The following HDAC9 variants were observed in gnomAD, a reference collection of about 807,000 sequenced individuals.
The protein encoded by HDAC9 is MEF-2 interacting transcription repressor (MITR) protein.
In HDAC9, 41 loss-of-function variants were observed where a neutral mutation model predicts 139.4. The observed-to-expected ratio is 0.29, with a 90% CI of 0.23 to 0.38. HDAC9 has a LOEUF of 0.38. Ranked by LOEUF, HDAC9 falls within the 10% of genes least tolerant of loss-of-function variation. The probability of loss-of-function intolerance (pLI) is 1.00; values close to 1 mark genes in which losing one functional copy is unlikely to be tolerated. For synonymous variants in HDAC9, 517 were observed against 476.2 expected, an observed-to-expected ratio of 1.09 and a Z score of -1.12; for missense variants, 1,147 against 1,297.0, an observed-to-expected ratio of 0.88 and a Z score of 1.78.
At position 18,462,183 on chromosome 7, in the gene HDAC9, T is replaced by C. The variant is rs555022510; in HGVS notation, c.-41-34079T>C. On this transcript the variant is annotated intron_variant, in intron 1 of 3. Transcript: ENST00000413509. The stretch of plus-strand genomic sequence containing the variant: ...TTTTAACCTTCAAATAATGATGTTA[T>C]AAGCAATTCCATCTTCACAGTCACC... 1.6e-4 allele frequency among the ~76,000 whole-genome samples: 24 copies of C among 152,212 alleles called. 1 individual carries two copies. Among genetic ancestry groups the C allele is most frequent in the African/African-American group, 4.8e-4 (20 of 41,576 alleles).
chr7:18,881,750 C>T (rs915149170), intron 22 of HDAC9, among the ~76,000 whole-genome samples: 5 of 152,086 alleles, frequency 3.3e-5, no homozygotes, highest in African/African-American at 7.2e-5. Context: ...CTATTCAGAA[C>T]GTAGTAGCTC....
chr7:18,452,336 C>A (rs111762377), intron 1 of HDAC9, among the ~76,000 whole-genome samples: 1,544 of 152,092 alleles, frequency 0.01, 27 homozygotes, highest in African/African-American at 0.035. Flanking sequence ...AGAACACATA[C>A]GCGTATGACA....
intron 17 of HDAC9, among the ~76,000 whole-genome samples, chr7:18,810,139 A>G (rs1794060148): frequency 1.3e-5 from 2 of 151,930 alleles, no homozygotes; most frequent in East Asian, 1.9e-4. Flanking sequence ...GTTCTAAAAT[A>G]GTTGAGCTCA....
At chr7:18,131,662 A>G (rs1718774428) in intron 1 of HDAC9, among the ~76,000 whole-genome samples, 1 of 152,108 alleles carries the variant, frequency 6.6e-6, no homozygotes, top group Non-Finnish European at 1.5e-5. Context: ...GGTCATTGTC[A>G]CTACTCCCTT....
At chr7:18,574,215 C>T (rs1359997019) in intron 2 of HDAC9, among the ~76,000 whole-genome samples, 2 of 152,146 alleles carry the variant, frequency 1.3e-5, no homozygotes, top group Non-Finnish European at 2.9e-5. Context: ...CATCCCAACA[C>T]GTGTCCAGCT....
intron 12 of HDAC9, among the ~76,000 whole-genome samples, chr7:18,691,623 C>T (rs1022070589): frequency 6.6e-6 from 1 of 151,944 alleles, no homozygotes; most frequent in Non-Finnish European, 1.5e-5. Context: ...AACCAAAATT[C>T]CTTTCAGTTA....
chr7:18,823,008 CTT>C (rs1795103728), intron 17 of HDAC9, among the ~76,000 whole-genome samples: 2 of 151,972 alleles, frequency 1.3e-5, no homozygotes, highest in South Asian at 4.1e-4. Flanking sequence ...TTTATTAAGA[CTT>C]AATATGTTTT....
intron 1 of HDAC9, among the ~76,000 whole-genome samples, chr7:18,149,834 A>C (rs192763258): frequency 6.6e-6 from 1 of 152,088 alleles, no homozygotes; most frequent in East Asian, 1.9e-4. Context: ...GATTACAGGC[A>C]TAAGCCACTG....
chr7:18,591,277 T>C (rs2128824812), intron 4 of HDAC9, among the ~76,000 whole-genome samples: 1 of 152,290 alleles, frequency 6.6e-6, no homozygotes, highest in African/African-American at 2.4e-5. Flanking sequence ...GCTGAAAGTC[T>C]TTTGAAAATT....
intron 24 of HDAC9, among the ~76,000 whole-genome samples, chr7:18,973,087 C>G (rs1585445146): frequency 6.6e-6 from 1 of 152,226 alleles, no homozygotes; most frequent in Admixed American, 6.5e-5. Flanking sequence ...TTTAGCTCCT[C>G]TGCCTATTAG....
intron 1 of HDAC9, among the ~76,000 whole-genome samples, chr7:18,420,594 T>A (rs1177911893): frequency 6.6e-6 from 1 of 152,198 alleles, no homozygotes; most frequent in African/African-American, 2.4e-5. Flanking sequence ...CATACATTCA[T>A]TTACTTGTTT....
At chr7:18,408,201 A>G (rs1316867115) in intron 1 of HDAC9, among the ~76,000 whole-genome samples, 1 of 152,130 alleles carries the variant, frequency 6.6e-6, no homozygotes, top group Non-Finnish European at 1.5e-5. Context: ...TGAAGAACCA[A>G]CCTAAAGGTT....
chr7:18,644,911 C>T, intron 9 of HDAC9, 118 bp downstream of exon 9: 4 of 959,034 alleles, frequency 4.2e-6, no homozygotes, highest in Non-Finnish European at 5.9e-6. Flanking sequence ...CCAGCATCTC[C>T]TTCACTGTTT....
chr7:18,741,205 G>C (rs1270390230), intron 13 of HDAC9, among the ~76,000 whole-genome samples: 1 of 152,186 alleles, frequency 6.6e-6, no homozygotes, highest in African/African-American at 2.4e-5. Flanking sequence ...CCTTTCACTG[G>C]AAGAAGAGAT....
intron 22 of HDAC9, among the ~76,000 whole-genome samples, chr7:18,908,570 G>T (rs1169564496): frequency 6.6e-6 from 1 of 151,852 alleles, no homozygotes; most frequent in Non-Finnish European, 1.5e-5. Flanking sequence ...CCAACTTCTG[G>T]TAAACACTAT....
chr7:18,093,471 G>A (rs1782299920), intron 1 of HDAC9, among the ~76,000 whole-genome samples: 1 of 152,170 alleles, frequency 6.6e-6, no homozygotes, highest in Admixed American at 6.5e-5. Flanking sequence ...GTTAAAGAGA[G>A]GAGTGAGAGA....
chr7:18,399,247 A>G (rs763860509), intron 1 of HDAC9, among the ~76,000 whole-genome samples: 1 of 152,174 alleles, frequency 6.6e-6, no homozygotes, highest in Non-Finnish European at 1.5e-5. Context: ...GCTTTTTATC[A>G]GGTGGTACTG....
intron 23 of HDAC9, among the ~76,000 whole-genome samples, chr7:18,941,444 T>C (rs1230181069): frequency 6.6e-6 from 1 of 152,176 alleles, no homozygotes; most frequent in East Asian, 1.9e-4. Context: ...CAACCACCCC[T>C]GAGGTGAACT....
At chr7:18,985,108 AC>A (rs888682023) in intron 25 of HDAC9, among the ~76,000 whole-genome samples, 10 of 152,002 alleles carry the variant, frequency 6.6e-5, no homozygotes, top group Admixed American at 3.3e-4. Flanking sequence ...GTTTTAGGGT[AC>A]ATGTGCACAA....
Sources: allele counts gnomAD v4.1 joint callset (sites outside exome capture counted in the v4.1 genomes callset), GRCh38; gene constraint gnomAD v4.1.1; transcripts MANE v1.5; gene names NCBI Gene and HGNC (gene_info 2026-07-23, HGNC 2026-07-21).